RSRC1: variants seen among roughly 807,000 people sequenced by gnomAD.
RSRC1 encodes arginine and serine rich coiled-coil 1, also known as serine/Arginine-related protein 53.
In RSRC1, 39 loss-of-function variants were observed where a neutral mutation model predicts 49.1. That is an observed-to-expected ratio of 0.79 (90% CI 0.61 to 1.04). RSRC1 has a LOEUF of 1.04. Ranked by LOEUF, RSRC1 falls within the 50% of genes least tolerant of loss-of-function variation. The pLI is 0.00. For synonymous variants in RSRC1, 143 were observed against 130.8 expected, an observed-to-expected ratio of 1.09 and a Z score of -0.63; for missense variants, 388 against 402.4, an observed-to-expected ratio of 0.96 and a Z score of 0.31.
At chr3:158,191,447 A>T (rs1055777644) in intron 3 of RSRC1, among the ~76,000 whole-genome samples, 9 of 152,050 alleles carry the variant, frequency 5.9e-5, no homozygotes, top group Non-Finnish European at 1.2e-4. Context: ...ATTTGTTTTG[A>T]TTACATGTGT....
intron 6 of RSRC1, among the ~76,000 whole-genome samples, chr3:158,457,575 T>C (rs1378864218): frequency 6.6e-6 from 1 of 152,112 alleles, no homozygotes; most frequent in Non-Finnish European, 1.5e-5. Context: ...TTTAGACCTA[T>C]ATACAGCCCA....
intron 7 of RSRC1, among the ~76,000 whole-genome samples, chr3:158,475,935 A>T (rs1156465571): frequency 6.6e-6 from 1 of 152,204 alleles, no homozygotes; most frequent in Non-Finnish European, 1.5e-5. Context: ...AAAGCTAGGC[A>T]TCTTGTGCCA....
At chr3:158,487,947 AAG>A (rs1491419432) in intron 7 of RSRC1, among the ~76,000 whole-genome samples, 6 of 132,996 alleles carry the variant, frequency 4.5e-5, no homozygotes, top group Non-Finnish European at 9.5e-5. Flanking sequence ...ACTCCATCTC[AAG>A]AAAAAAAAAA....
intron 6 of RSRC1, among the ~76,000 whole-genome samples, chr3:158,428,337 A>C (rs1028572950): frequency 6.6e-6 from 1 of 151,776 alleles, no homozygotes; most frequent in Admixed American, 6.6e-5. Context: ...TTTTATCCTC[A>C]TTGTTAATCT....
intron 1 of RSRC1, among the ~76,000 whole-genome samples, chr3:158,112,464 G>A (rs911864453): frequency 6.6e-6 from 1 of 152,120 alleles, no homozygotes; most frequent in Non-Finnish European, 1.5e-5. Context: ...TTTGTGATTT[G>A]CTGTTAGTAT....
At position 158,430,269 on chromosome 3, in the gene RSRC1, G is replaced by A. The variant is rs115690322; in HGVS notation, c.584-30666G>A. ...AAAATGGAAAAACTTTCAAAGCAGC[G>A]ATGGCAGTCATCTTTAACTTGTGAT... On this transcript the variant is annotated intron_variant, in intron 6 of 9. Transcript: ENST00000611884. 2.5e-3 allele frequency among the ~76,000 whole-genome samples: 378 copies of A among 151,836 alleles called. 2 individuals are homozygous for A. Among genetic ancestry groups the A allele is most frequent in the Middle Eastern group, 0.014 (4 of 294 alleles).
intron 5 of RSRC1, among the ~76,000 whole-genome samples, chr3:158,305,078 G>GA (rs1727763603): frequency 2.0e-5 from 3 of 152,020 alleles, no homozygotes; most frequent in African/African-American, 7.2e-5. Flanking sequence ...CAAGTTTATT[G>GA]AAAATTGCTT....
intron 4 of RSRC1, among the ~76,000 whole-genome samples, chr3:158,237,780 A>G (rs180687667): frequency 2.6e-5 from 4 of 152,208 alleles, no homozygotes; most frequent in Non-Finnish European, 5.9e-5. Context: ...CCCTTTTCCT[A>G]ATTGAATACC....
At chr3:158,423,564 T>C (rs1312604025) in intron 6 of RSRC1, among the ~76,000 whole-genome samples, 2 of 152,102 alleles carry the variant, frequency 1.3e-5, no homozygotes, top group East Asian at 1.9e-4. Context: ...ATGCGGGCTC[T>C]TTTTTGGTTC....
intron 5 of RSRC1, among the ~76,000 whole-genome samples, chr3:158,346,679 G>A (rs1336595802): frequency 1.3e-5 from 2 of 152,098 alleles, no homozygotes; most frequent in African/African-American, 4.8e-5. Flanking sequence ...CTACTGGTGG[G>A]ATACTAAAAA....
chr3:158,273,854 C>T (rs536942692), intron 4 of RSRC1, among the ~76,000 whole-genome samples: 55 of 152,242 alleles, frequency 3.6e-4, no homozygotes, highest in African/African-American at 1.3e-3. Flanking sequence ...CTGTCTTTCT[C>T]TCACTCTTAC....
At chr3:158,196,560 G>T (rs1720632652) in intron 3 of RSRC1, among the ~76,000 whole-genome samples, 1 of 152,084 alleles carries the variant, frequency 6.6e-6, no homozygotes, top group South Asian at 2.1e-4. Flanking sequence ...GGTGAGAGAG[G>T]GCATCCCTGT....
chr3:158,440,217 T>C (rs950179372), intron 6 of RSRC1, among the ~76,000 whole-genome samples: 1 of 151,824 alleles, frequency 6.6e-6, no homozygotes, highest in Non-Finnish European at 1.5e-5. Flanking sequence ...GTGTAAAGGA[T>C]ATGAGATGAA....
chr3:158,308,915 A>G (rs1042309043), intron 5 of RSRC1, among the ~76,000 whole-genome samples: 1 of 151,916 alleles, frequency 6.6e-6, no homozygotes, highest in Non-Finnish European at 1.5e-5. Flanking sequence ...TTTTTATGGG[A>G]GTGCAGTTAC....
At chr3:158,329,616 A>T (rs1025394266) in intron 5 of RSRC1, among the ~76,000 whole-genome samples, 6 of 152,136 alleles carry the variant, frequency 3.9e-5, no homozygotes, top group Admixed American at 3.9e-4. Flanking sequence ...TCAGAGGGGT[A>T]CCCGGCTGTG....
chr3:158,512,731 T>C (rs1311799209), intron 7 of RSRC1, among the ~76,000 whole-genome samples: 4 of 151,506 alleles, frequency 2.6e-5, no homozygotes, highest in African/African-American at 9.7e-5. Flanking sequence ...ACGATATTGA[T>C]TCTTCCTACC....
chr3:158,327,199 G>C (rs1239428275), intron 5 of RSRC1, among the ~76,000 whole-genome samples: 2 of 151,592 alleles, frequency 1.3e-5, no homozygotes, highest in South Asian at 4.1e-4. Flanking sequence ...TGGATTCATT[G>C]ATTTTTTGAA....
At chr3:158,333,546 G>A (rs1379895636) in intron 5 of RSRC1, among the ~76,000 whole-genome samples, 1 of 152,104 alleles carries the variant, frequency 6.6e-6, no homozygotes, top group Non-Finnish European at 1.5e-5. Context: ...TGAACACATT[G>A]GTTCAGACAG....
chr3:158,291,288 T>C (rs181528004), intron 4 of RSRC1, among the ~76,000 whole-genome samples: 5 of 152,334 alleles, frequency 3.3e-5, no homozygotes, highest in Admixed American at 3.3e-4. Flanking sequence ...TTATATTTAA[T>C]CTTTTATTTA....
Sources: allele counts gnomAD v4.1 joint callset (sites outside exome capture counted in the v4.1 genomes callset), GRCh38; gene constraint gnomAD v4.1.1; transcripts MANE v1.5; gene names NCBI Gene and HGNC (gene_info 2026-07-23, HGNC 2026-07-21).